Variants in VCPKMT observed in about 807,000 individuals in gnomAD.
VCPKMT encodes protein N-lysine methyltransferase METTL21D.
Under a neutral mutation model 28.6 loss-of-function variants are expected in VCPKMT, and 32 were observed. That is an observed-to-expected ratio of 1.12 (90% CI 0.84 to 1.50). The LOEUF is 1.50. Among genes scored for constraint, VCPKMT ranks in the 40% most tolerant of loss-of-function variants. The probability of loss-of-function intolerance (pLI) is 0.00; values close to 1 mark genes in which losing one functional copy is unlikely to be tolerated. For synonymous variants in VCPKMT, 138 were observed against 111.4 expected (o/e 1.24, Z -1.50); for missense variants, 366 against 285.0 (o/e 1.28, Z -2.05).
chr14:50,114,411 A>T lies in VCPKMT; in HGVS notation c.451-7T>A, dbSNP rs1285717283. On this transcript the variant is annotated splice_polypyrimidine_tract_variant and splice_region_variant and intron_variant, in intron 3 of 5. Transcript: ENST00000395860. ...TCAGCAATGGCTCCAAAGACTATTT[A>T]AAAAAGAATATATTTTTTGTTTTTG... 8 of 1,479,778 alleles carry T rather than the reference A, an allele frequency of 5.4e-6. No individual in the cohort carries two copies. Among genetic ancestry groups the T allele is most frequent in the East Asian group, 2.5e-5 (1 of 40,670 alleles). 91.7% of individuals were successfully genotyped at this position (1,479,778 alleles called of 1,614,324 possible).
chr14:50,113,075 C>T (rs561847074), intron 4 of VCPKMT, among the ~76,000 whole-genome samples: 22 of 152,244 alleles, frequency 1.4e-4, no homozygotes, highest in South Asian at 6.2e-4. Context: ...CGTGAGCCAC[C>T]GCGCCTGGTC....
chr14:50,107,153 G>A (rs2139424943), downstream of VCPKMT, among the ~76,000 whole-genome samples: 1 of 152,318 alleles, frequency 6.6e-6, no homozygotes, highest in South Asian at 2.1e-4. Flanking sequence ...AGCTGTCTGT[G>A]GAATAGTAGT....
downstream of VCPKMT, among the ~76,000 whole-genome samples, chr14:50,108,326 A>G (rs1202904065): frequency 6.6e-6 from 1 of 152,202 alleles, no homozygotes; most frequent in Non-Finnish European, 1.5e-5. Context: ...AAAACAAGCT[A>G]AAAAGTGGTC....
chr14:50,112,343 C>G (rs558593946), intron 5 of VCPKMT, among the ~76,000 whole-genome samples: 10 of 127,482 alleles, frequency 7.8e-5, no homozygotes, highest in African/African-American at 3.0e-4. Context: ...CCCAGGAGTT[C>G]GACACCAGTC....
At position 50,116,120 on chromosome 14, in the gene VCPKMT, T is replaced by G. The variant is rs758343215; in HGVS notation, c.326A>C (p.Asn109Thr). 2.5e-6 allele frequency: 4 copies of G among 1,614,052 alleles called. No individual in the cohort carries two copies. The South Asian group carries it at 3.3e-5, about 13-fold the overall frequency. The stretch of plus-strand genomic sequence containing the variant: ...ACCAGTGACAAGATGCTTGTTCATA[T>G]TAATATTCATCTTCAGCAAGTCTTG... ...ELQDLLKMNI[N>T]MNKHLVTGSV... is the part of the protein sequence containing the mutation. The change falls in exon 2 of 6, where the codon AAT (asparagine) becomes ACT (threonine). Residue 109 changes from asparagine to threonine, a missense_variant. Physicochemically the swap from Asn to Thr is moderately conservative, Grantham distance 65. Coordinates refer to ENST00000395860, the MANE Select transcript of VCPKMT (RefSeq NM_024558.3).
intron 5 of VCPKMT, among the ~76,000 whole-genome samples, chr14:50,112,263 T>C (rs1198824162): frequency 6.6e-6 from 1 of 151,978 alleles, no homozygotes; most frequent in African/African-American, 2.4e-5. Context: ...AAGCGAAGCC[T>C]GGCCAGGTAT....
intron 3 of VCPKMT, among the ~76,000 whole-genome samples, chr14:50,114,942 A>C (rs564379113): frequency 6.6e-6 from 1 of 152,176 alleles, no homozygotes. Flanking sequence ...GGTTTCCAGA[A>C]AAAGGATTCA....
chr14:50,114,493 C>T, intron 3 of VCPKMT, 89 bp from the exon 4 acceptor site: 1 of 864,874 alleles, frequency 1.2e-6, no homozygotes, highest in South Asian at 2.9e-5. Context: ...GTATTTATAG[C>T]TCCCCTACAA....
chr14:50,113,613 C>A (rs113057482), intron 4 of VCPKMT: 2,448 of 9,394 alleles, frequency 0.26, 47 homozygotes, highest in African/African-American at 0.35. Context: ...GTTTAAAAAA[C>A]AAAAAAAAAG....
intron 5 of VCPKMT, 23 bp downstream of exon 5, chr14:50,112,592 G>A (rs920818150): frequency 2.1e-6 from 3 of 1,431,382 alleles, no homozygotes; most frequent in South Asian, 1.2e-5. Flanking sequence ...CTTGGAGAAT[G>A]AAGAACTGAG....
intron 5 of VCPKMT, 60 bp from the exon 6 acceptor site, chr14:50,109,773 T>C: frequency 6.4e-6 from 10 of 1,554,254 alleles, no homozygotes; most frequent in Non-Finnish European, 8.7e-6. Context: ...TTACTGGGTA[T>C]TTAATAATGC....
chr14:50,105,968 A>G (rs1209928432), downstream of VCPKMT, among the ~76,000 whole-genome samples: 2 of 152,214 alleles, frequency 1.3e-5, no homozygotes, highest in African/African-American at 2.4e-5. Flanking sequence ...AAGGTTCCAC[A>G]TCGGATTCCA....
rs1355831024 is a variant in VCPKMT at position 50,114,425 on chromosome 14, T to G, written c.451-21A>C. 2.9e-5 allele frequency: 41 copies of G among 1,418,092 alleles called. 1 individual carries two copies. Among genetic ancestry groups the G allele is most frequent in the Non-Finnish European group, 3.6e-5 (39 of 1,080,752 alleles). 87.8% of individuals were successfully genotyped at this position (1,418,092 alleles called of 1,614,324 possible). Reference sequence around the variant, plus strand: ...AAAGACTATTTAAAAAAGAATATATTTTTTGTTTTTGATTTAAAAATTTTT... The same window carrying G: ...AAAGACTATTTAAAAAAGAATATATGTTTTGTTTTTGATTTAAAAATTTTT... On this transcript the variant is annotated intron_variant, in intron 3 of 5. Coordinates refer to ENST00000395860, the MANE Select transcript of VCPKMT (RefSeq NM_024558.3).
chr14:50,106,580 C>A (rs1213339228), downstream of VCPKMT: 1 of 985,334 alleles, frequency 1.0e-6, no homozygotes, highest in Non-Finnish European at 1.2e-6. Flanking sequence ...ACAGTTCCCA[C>A]ATCACTCCTC....
intron 1 of VCPKMT, 53 bp downstream of exon 1, chr14:50,116,234 G>A (rs763826105): frequency 2.5e-6 from 4 of 1,611,948 alleles, no homozygotes; most frequent in Non-Finnish European, 2.5e-6. Context: ...CTGTAATCCG[G>A]ATTTCCCCAG....
At chr14:50,107,161 A>G (rs1882354608), downstream of VCPKMT, among the ~76,000 whole-genome samples, 1 of 152,240 alleles carries the variant, frequency 6.6e-6, no homozygotes, top group East Asian at 1.9e-4. Context: ...GTGGAATAGT[A>G]GTTGGTGATG....
chr14:50,110,171 T>C (rs891618407), intron 5 of VCPKMT, among the ~76,000 whole-genome samples: 1 of 152,098 alleles, frequency 6.6e-6, no homozygotes, highest in African/African-American at 2.4e-5. Flanking sequence ...CACTTGAACC[T>C]GGGAGGCAGA....
chr14:50,106,263 T>G (rs1284506992), downstream of VCPKMT, among the ~76,000 whole-genome samples: 3 of 152,306 alleles, frequency 2.0e-5, no homozygotes, highest in South Asian at 2.1e-4. Flanking sequence ...TGAGAAACAC[T>G]GCCTTACTAT....
In VCPKMT at chr14:50,116,100, T is replaced by C. The variant is rs1883172074; in HGVS notation, c.346A>G (p.Thr116Ala). 4 of 1,613,728 alleles carry C rather than the reference T, an allele frequency of 2.5e-6. No individual in the cohort carries two copies. The highest frequency in any genetic ancestry group is 3.4e-6 in the Non-Finnish European group (4 of 1,179,824). ...MNINMNKHLV[T>A]GSVQAKVLKW... is the part of the protein sequence containing the mutation. ...AGTACCTTGGCTTGAACAGAACCAGTGACAAGATGCTTGTTCATATTAATA... is the reference window on the plus strand; with the variant it reads ...AGTACCTTGGCTTGAACAGAACCAGCGACAAGATGCTTGTTCATATTAATA... Residue 116 changes from threonine (T) to alanine (A), a missense_variant, in exon 2 of 6, where the codon ACT (threonine) becomes GCT (alanine). Physicochemically the swap from Thr to Ala is moderately conservative, Grantham distance 58. Coordinates refer to ENST00000395860, the MANE Select transcript of VCPKMT (RefSeq NM_024558.3).
Sources: gnomAD v4.1 joint callset for allele counts (sites outside exome capture counted in the v4.1 genomes callset) on GRCh38, gnomAD v4.1.1 for gene constraint, MANE v1.5 for transcripts, NCBI Gene and HGNC (gene_info 2026-07-23, HGNC 2026-07-21) for gene names.